NOL8: variants seen among roughly 807,000 people sequenced by gnomAD.
The protein encoded by NOL8 is nucleolar protein Nop132.
NOL8 carries 93 observed loss-of-function variants against 116.1 expected under a neutral mutation model. That is an observed-to-expected ratio of 0.80 (90% CI 0.68 to 0.95). The LOEUF (loss-of-function observed/expected upper bound fraction) is 0.95. Among genes scored for constraint, NOL8 ranks in the 40% least tolerant of loss-of-function variants. The pLI is 0.00. For missense variants in NOL8, 1,291 were observed against 1,382.8 expected (o/e 0.93, Z 1.05); for synonymous variants, 419 against 469.0 (o/e 0.89, Z 1.38).
In NOL8 at chr9:92,321,914, T is replaced by A. The variant is rs147519209; in HGVS notation, c.203-168A>T. ...CCTGGAGAGAGGGAGCCTAGGCTCT[T>A]GTTTCATCTTGACAACTTACCAAAA... On this transcript the variant is annotated intron_variant, in intron 3 of 16. Coordinates refer to ENST00000442668, the MANE Select transcript of NOL8 (RefSeq NM_017948.6). Among the ~76,000 whole-genome samples, 9 of 152,328 alleles carry A rather than the reference T, an allele frequency of 5.9e-5. No homozygotes were observed. The East Asian group carries it at 1.7e-3, about 29-fold the overall frequency.
chr9:92,299,462 T>C (rs1219894898), intron 14 of NOL8, among the ~76,000 whole-genome samples: 1 of 152,174 alleles, frequency 6.6e-6, no homozygotes, highest in African/African-American at 2.4e-5. Flanking sequence ...CTAAAGAAAC[T>C]GAGATGTCCA....
intron 7 of NOL8, among the ~76,000 whole-genome samples, chr9:92,311,950 A>G (rs1417137451): frequency 1.3e-5 from 2 of 152,254 alleles, no homozygotes; most frequent in African/African-American, 2.4e-5. Context: ...AAATCAACCT[A>G]GATGCCCATC....
chr9:92,310,062 A>G (rs1406038050), intron 10 of NOL8, 109 bp downstream of exon 10: 3 of 724,874 alleles, frequency 4.1e-6, no homozygotes, highest in East Asian at 2.7e-5. Context: ...CCTCAATCCA[A>G]TGTCTTGGGA....
Position 92,315,437 on chromosome 9 carries a change from G to C in NOL8, c.1188C>G (p.Asn396Lys), listed in dbSNP as rs1324152806. Residue 396 changes from asparagine to lysine, a missense_variant, in exon 7 of 17, where the codon AAC (asparagine) becomes AAG (lysine). Physicochemically the swap from Asn to Lys is moderately conservative, Grantham distance 94 (BLOSUM62 0). Transcript: ENST00000442668. ...TTTCCATTTGTGAAAATTCTGTACTGTTTTTGACCTTAGCAACATTTTTTT... is the reference window on the plus strand; with the variant it reads ...TTTCCATTTGTGAAAATTCTGTACTCTTTTTGACCTTAGCAACATTTTTTT... ...AMKKNVAKVK[N>K]STEFSQMEKS... 2 of 1,592,376 alleles carry C rather than the reference G, an allele frequency of 1.3e-6. No individual in the cohort carries two copies.
At chr9:92,318,786 G>A (rs1448697525) in intron 5 of NOL8, 100 bp from the exon 6 acceptor site, 2 of 710,194 alleles carry the variant, frequency 2.8e-6, no homozygotes, top group Non-Finnish European at 4.5e-6. Context: ...AGTGGGCTAT[G>A]ATTACTGTTG....
chr9:92,316,143 C>T lies in NOL8; in HGVS notation c.487-5G>A, dbSNP rs375643066. 277 of 1,603,034 alleles carry T rather than the reference C, an allele frequency of 1.7e-4. No homozygotes were observed. The African/African-American group carries it at 2.6e-3, about 15-fold the overall frequency. The stretch of plus-strand genomic sequence containing the variant: ...TGAGGGATCATATTTGATGATGTTA[C>T]GCAAGTCAAGAAACAAAACTAAAGC... On this transcript the variant is annotated splice_polypyrimidine_tract_variant and splice_region_variant and intron_variant, in intron 6 of 16. Coordinates refer to ENST00000442668, the MANE Select transcript of NOL8 (RefSeq NM_017948.6).
At chr9:92,303,654 T>C (rs1235670394) in intron 12 of NOL8, among the ~76,000 whole-genome samples, 1 of 152,138 alleles carries the variant, frequency 6.6e-6, no homozygotes, top group Non-Finnish European at 1.5e-5. Flanking sequence ...AGCTTCCAAC[T>C]GTTACCCAGG....
intron 13 of NOL8, 68 bp from the exon 14 acceptor site, chr9:92,300,084 C>G: frequency 6.5e-7 from 1 of 1,540,272 alleles, no homozygotes; most frequent in Non-Finnish European, 8.8e-7. Flanking sequence ...TGAACACATT[C>G]ATTTGATTAC....
At chr9:92,298,212 T>TAAC (rs3831004) in intron 16 of NOL8, 45 bp downstream of exon 16, 64,790 of 1,402,194 alleles carry the variant, frequency 0.046, 2,017 homozygotes, top group African/African-American at 0.13. Flanking sequence ...TCTAGATAGG[T>TAAC]AACATGTCTA....
intron 6 of NOL8, among the ~76,000 whole-genome samples, chr9:92,317,618 T>A (rs1328993533): frequency 2.0e-5 from 3 of 152,182 alleles, no homozygotes; most frequent in Admixed American, 2.0e-4. Flanking sequence ...CAGTGGGGAA[T>A]CTGACCTTTG....
Position 92,320,902 on chromosome 9 carries a change from C to T in NOL8, c.281+766G>A, listed in dbSNP as rs149460476. Among the ~76,000 whole-genome samples the T allele has an allele frequency of 2.4e-4, 37 of 152,280 alleles. No individual in the cohort carries two copies. In the East Asian group the frequency reaches 4.6e-3, roughly 19 times the overall value. On this transcript the variant is annotated intron_variant, in intron 4 of 16. Transcript: ENST00000442668. Reference sequence around the variant, plus strand: ...GATTACAGGCGTGAGCCACCGTGCCCGGCCTCTATCTGTATATTCTTAAAT... The same window carrying T: ...GATTACAGGCGTGAGCCACCGTGCCTGGCCTCTATCTGTATATTCTTAAAT...
At chr9:92,304,493 A>G (rs1838048237) in intron 12 of NOL8, among the ~76,000 whole-genome samples, 1 of 152,180 alleles carries the variant, frequency 6.6e-6, no homozygotes, top group African/African-American at 2.4e-5. Context: ...GACATCCTGG[A>G]TTTTGAGCTG....
chr9:92,324,434 G>C, intron 1 of NOL8: 1 of 314,284 alleles, frequency 3.2e-6, no homozygotes, highest in Non-Finnish European at 5.9e-6. Context: ...CACAGGTACA[G>C]ACAGAGTTTT....
Position 92,311,184 on chromosome 9 carries a change from T to G in NOL8, c.2434A>C (p.Thr812Pro), listed in dbSNP as rs1477606999. ...TCTCCTGGATGGCTCTGCTCCTGAG[T>G]CGATGTCTCCTCTGTTTCACATTCA... The part of the protein sequence containing the change: ...DSECETEETS[T>P]QEQSHPGEEW... The change falls in exon 8 of 17, where the codon ACT becomes CCT. Residue 812 changes from threonine (T) to proline (P), a missense_variant. Thr to Pro is a conservative substitution (Grantham distance 38). Transcript: ENST00000442668. 2 of 1,613,714 alleles carry G rather than the reference T, an allele frequency of 1.2e-6. No individual in the cohort carries two copies. Among genetic ancestry groups the G allele is most frequent in the East Asian group, 4.5e-5 (2 of 44,874 alleles).
chr9:92,298,832 C>T, intron 15 of NOL8, 52 bp downstream of exon 15: 1 of 1,022,432 alleles, frequency 9.8e-7, no homozygotes, highest in Non-Finnish European at 1.4e-6. Flanking sequence ...ATTACTGTAG[C>T]TGTATTATTA....
In NOL8 at chr9:92,315,015, T is replaced by C; in HGVS notation, c.1610A>G (p.Gln537Arg). Residue 537 changes from glutamine to arginine, a missense_variant, in exon 7 of 17, where the codon CAG becomes CGG. Physicochemically the swap from Gln to Arg is conservative, Grantham distance 43. Coordinates refer to ENST00000442668, the MANE Select transcript of NOL8 (RefSeq NM_017948.6). ...KTPTGLRRGR[Q>R]CIRPAEIVAS... ...CACAATCTCCGCAGGACGAATACAC[T>C]GTCGGCCTCTGCGGAGGCCAGTGGG... 2 of 1,614,012 alleles carry C rather than the reference T, an allele frequency of 1.2e-6. No individual in the cohort carries two copies. Among genetic ancestry groups the C allele is most frequent in the Non-Finnish European group, 8.5e-7 (1 of 1,179,870 alleles).
chr9:92,314,717 C>A lies in NOL8; in HGVS notation c.1908G>T (p.Ala636=), dbSNP rs200885651. 1 of 1,613,692 alleles carries A rather than the reference C, an allele frequency of 6.2e-7. No individual in the cohort carries two copies. The highest frequency in any genetic ancestry group is 1.1e-5 in the South Asian group (1 of 90,976). The change falls in exon 7 of 17, where the codon GCG becomes GCT. Residue 636 remains alanine, a synonymous_variant. Transcript: ENST00000442668. ...EVTPCQHAKK[A]NGPNYIQPQK... Reference sequence around the variant, plus strand: ...GAGGCTGAATATAGTTTGGGCCATTCGCCTTCTTTGCATGTTGGCATGGAG... The same window carrying A: ...GAGGCTGAATATAGTTTGGGCCATTAGCCTTCTTTGCATGTTGGCATGGAG...
chr9:92,323,957 T>TTCC, intron 2 of NOL8, 66 bp downstream of exon 2: 1 of 1,543,682 alleles, frequency 6.5e-7, no homozygotes, highest in Non-Finnish European at 8.8e-7. Context: ...TGGGGTTGTT[T>TTCC]TATTTTCTAG....
chr9:92,298,188 T>C, intron 16 of NOL8, 69 bp downstream of exon 16: 1 of 1,216,348 alleles, frequency 8.2e-7, no homozygotes, highest in South Asian at 1.4e-5. Flanking sequence ...TGAGTTCCCT[T>C]CCAGGACTGT....
Sources: allele counts gnomAD v4.1 joint callset (sites outside exome capture counted in the v4.1 genomes callset), GRCh38; gene constraint gnomAD v4.1.1; transcripts MANE v1.5; gene names NCBI Gene and HGNC (gene_info 2026-07-23, HGNC 2026-07-21).